TOP1MT: variants seen among roughly 807,000 people sequenced by gnomAD.
TOP1MT encodes the protein DNA topoisomerase I mitochondrial.
Under a neutral mutation model 73.9 loss-of-function variants are expected in TOP1MT, and 80 were observed. The ratio of observed to expected loss-of-function variants is 1.08; its 90% CI spans 0.90 to 1.30. The LOEUF is 1.30. TOP1MT is among the 50% of genes most tolerant of loss of function. The pLI is 0.00. For missense variants in TOP1MT, 815 were observed against 808.0 expected (o/e 1.01, Z -0.10); for synonymous variants, 338 against 326.4 (o/e 1.04, Z -0.38).
intron 7 of TOP1MT, among the ~76,000 whole-genome samples, chr8:143,323,271 CCA>C (rs1200153052): frequency 1.6e-4 from 13 of 80,616 alleles, no homozygotes; most frequent in South Asian, 4.9e-4. Context: ...CACATGCACG[CCA>C]CACACGCACG....
rs781639183 is a variant in TOP1MT at position 143,321,423 on chromosome 8, G to GCACACGCACGCCACA, written c.961-52_961-38dup. On this transcript the variant is annotated intron_variant, in intron 7 of 13. Coordinates refer to ENST00000329245, the MANE Select transcript of TOP1MT (RefSeq NM_052963.3). ...GGAATGGTCAAAGTGGGTGGTGCGT[G>GCACACGCACGCCACA]CACACGCACGCCACACACACGCACG... 13 of 1,500,274 alleles carry GCACACGCACGCCACA rather than the reference G, an allele frequency of 8.7e-6. No individual in the cohort carries two copies. The African/African-American group carries it at 1.2e-4, about 13-fold the overall frequency. 92.9% of individuals were successfully genotyped at this position (1,500,274 alleles called of 1,614,324 possible).
upstream of TOP1MT, among the ~76,000 whole-genome samples, chr8:143,349,274 C>G (rs1432739362): frequency 6.6e-6 from 1 of 152,084 alleles, no homozygotes; most frequent in African/African-American, 2.4e-5. Context: ...GAAAAGCTCT[C>G]AGGCACACGG....
At chr8:143,319,889 G>C (rs1322248967) in intron 8 of TOP1MT, among the ~76,000 whole-genome samples, 1 of 151,846 alleles carries the variant, frequency 6.6e-6, no homozygotes, top group Non-Finnish European at 1.5e-5. Flanking sequence ...ACTCTGGAAG[G>C]CTGAGGCAGG....
intron 13 of TOP1MT, 158 bp from the exon 14 acceptor site, chr8:143,309,701 G>A (rs764685196): frequency 1.0e-4 from 151 of 1,516,198 alleles, no homozygotes; most frequent in Middle Eastern, 2.1e-4. Flanking sequence ...CCCACCCCAC[G>A]CATGCCGCCA....
chr8:143,313,847 T>G (rs1816079051), intron 12 of TOP1MT, among the ~76,000 whole-genome samples: 1 of 147,792 alleles, frequency 6.8e-6, no homozygotes, highest in African/African-American at 2.5e-5. Flanking sequence ...AGAGCAATGC[T>G]CTGTCTCCAA....
At chr8:143,357,340 A>G (rs576733591), upstream of TOP1MT, among the ~76,000 whole-genome samples, 2 of 150,398 alleles carry the variant, frequency 1.3e-5, no homozygotes, top group East Asian at 4.0e-4. Context: ...TGGGCCCAAG[A>G]GGTTGAGGCT....
intron 2 of TOP1MT, 46 bp downstream of exon 2, chr8:143,331,178 G>C (rs1192061052): frequency 1.3e-6 from 2 of 1,505,096 alleles, no homozygotes; most frequent in South Asian, 2.4e-5. Flanking sequence ...CCCACGCCCA[G>C]GGAACCAAGC....
intron 8 of TOP1MT, among the ~76,000 whole-genome samples, chr8:143,319,030 A>G (rs984032460): frequency 2.0e-5 from 3 of 152,122 alleles, no homozygotes; most frequent in Non-Finnish European, 2.9e-5. Flanking sequence ...CTCCCCATCC[A>G]GGCCTGCACC....
intron 12 of TOP1MT, 134 bp from the exon 13 acceptor site, chr8:143,310,351 C>G (rs1280076179): frequency 1.5e-6 from 1 of 652,778 alleles, no homozygotes; most frequent in Non-Finnish European, 2.4e-6. Context: ...TCATCCATCA[C>G]AGCAAAAGAC....
At chr8:143,350,554 A>G (rs1361483551) in intron 1 of TOP1MT, among the ~76,000 whole-genome samples, 1 of 151,872 alleles carries the variant, frequency 6.6e-6, no homozygotes, top group African/African-American at 2.4e-5. Flanking sequence ...CTGGCCTCGA[A>G]CTCCTGACCT....
intron 1 of TOP1MT, chr8:143,355,315 T>C (rs1041608860): frequency 6.6e-6 from 1 of 152,194 alleles, no homozygotes; most frequent in Non-Finnish European, 1.5e-5. Flanking sequence ...AACGGACTCA[T>C]CCTACCTTAG....
intron 1 of TOP1MT, chr8:143,343,316 A>T: frequency 2.2e-6 from 1 of 455,000 alleles, no homozygotes; most frequent in South Asian, 1.6e-5. Flanking sequence ...ATAAACATGC[A>T]GCTCTGCGGC....
At chr8:143,339,057 T>C (rs1192844370), upstream of TOP1MT, among the ~76,000 whole-genome samples, 1 of 152,122 alleles carries the variant, frequency 6.6e-6, no homozygotes, top group Non-Finnish European at 1.5e-5. Context: ...CAGGAGCTGA[T>C]ACCTATAAAG....
chr8:143,332,547 G>GGGCCTGGTC, intron 1 of TOP1MT: 1 of 1,289,342 alleles, frequency 7.8e-7, no homozygotes, highest in Admixed American at 2.3e-5. Context: ...GGGGCCTGGT[G>GGGCCTGGTC]GGCCTGGTCG....
At chr8:143,322,977 G>GCACGCCACA (rs1440425179) in intron 7 of TOP1MT, among the ~76,000 whole-genome samples, 210 of 76,722 alleles carry the variant, frequency 2.7e-3, no homozygotes, top group African/African-American at 0.011. Flanking sequence ...ACACACGCAC[G>GCACGCCACA]CACGCCACAC....
intron 4 of TOP1MT, among the ~76,000 whole-genome samples, chr8:143,325,767 C>T (rs911057031): frequency 1.3e-5 from 2 of 152,138 alleles, no homozygotes; most frequent in East Asian, 1.9e-4. Context: ...GGCCCCTGCA[C>T]AGACTTCGGC....
At chr8:143,332,692 T>C (rs773996445) in intron 1 of TOP1MT, 16 of 637,630 alleles carry the variant, frequency 2.5e-5, no homozygotes, top group Non-Finnish European at 3.7e-5. Flanking sequence ...TTAGAAGACG[T>C]AGAGACGGAG....
intron 8 of TOP1MT, 22 bp from the exon 9 acceptor site, chr8:143,318,108 T>C (rs761347827): frequency 6.2e-7 from 1 of 1,612,670 alleles, no homozygotes; most frequent in South Asian, 1.1e-5. Context: ...AGAAGGAATT[T>C]CAGAGGACAG....
At chr8:143,340,342 A>G (rs941383452) in intron 2 of TOP1MT, among the ~76,000 whole-genome samples, 2 of 146,716 alleles carry the variant, frequency 1.4e-5, no homozygotes, top group Non-Finnish European at 3.0e-5. Flanking sequence ...TCTACACAGC[A>G]TTCCCACCAC....
Sources: gnomAD v4.1 joint callset for allele counts (sites outside exome capture counted in the v4.1 genomes callset) on GRCh38, gnomAD v4.1.1 for gene constraint, MANE v1.5 for transcripts, NCBI Gene and HGNC (gene_info 2026-07-23, HGNC 2026-07-21) for gene names.